SLC13A3: variants seen among roughly 807,000 people sequenced by gnomAD.
SLC13A3 encodes the protein Na(+)/dicarboxylate cotransporter 3.
In SLC13A3, 40 loss-of-function variants were observed where a neutral mutation model predicts 59.0. The ratio of observed to expected loss-of-function variants is 0.68; its 90% CI spans 0.53 to 0.88. SLC13A3 has a LOEUF of 0.88. Among genes scored for constraint, SLC13A3 ranks in the 40% least tolerant of loss-of-function variants. The pLI is 0.00. For missense variants in SLC13A3, 699 were observed against 783.2 expected (o/e 0.89, Z 1.28); for synonymous variants, 317 against 330.3 (o/e 0.96, Z 0.44).
intron 11 of SLC13A3, among the ~76,000 whole-genome samples, chr20:46,565,602 G>A (rs2061972953): frequency 6.6e-6 from 1 of 152,000 alleles, no homozygotes; most frequent in African/African-American, 2.4e-5. Flanking sequence ...GGGATTACAG[G>A]CATGAGTGGC....
At chr20:46,638,449 G>C (rs1423211929) in intron 1 of SLC13A3, among the ~76,000 whole-genome samples, 10 of 152,208 alleles carry the variant, frequency 6.6e-5, no homozygotes, top group African/African-American at 2.4e-4. Context: ...GGCGAACAAG[G>C]GCCTCTTTTG....
intron 1 of SLC13A3, among the ~76,000 whole-genome samples, chr20:46,657,845 A>G (rs536749973): frequency 6.0e-4 from 91 of 152,102 alleles, no homozygotes; most frequent in Non-Finnish European, 1.1e-3. Context: ...GGGAGGTGCC[A>G]CACACTTTTA....
chr20:46,644,019 C>G (rs2062870573), intron 1 of SLC13A3, among the ~76,000 whole-genome samples: 1 of 152,096 alleles, frequency 6.6e-6, no homozygotes, highest in South Asian at 2.1e-4. Context: ...GCCTGGGCAA[C>G]AGAGGAAGAC....
Position 46,559,998 on chromosome 20 carries a change from C to T in SLC13A3, c.*24G>A. The T allele has an allele frequency of 6.2e-7, 1 of 1,610,936 alleles. No homozygotes were observed. Among genetic ancestry groups the T allele is most frequent in the Non-Finnish European group, 8.5e-7 (1 of 1,177,998 alleles). ...TGACAGCCCTTTGAGAGGGTTCAGC[C>T]TCAAGGGAGTCCTCCAGGGGGACTC... On this transcript the variant is annotated 3_prime_UTR_variant, in exon 13 of 13. Transcript: ENST00000279027.
In SLC13A3 at chr20:46,583,599, AG is replaced by A; in HGVS notation, c.1191del (p.Ser398LeufsTer19). On this transcript the variant is annotated frameshift_variant, in exon 9 of 13. Coordinates refer to ENST00000279027, the MANE Select transcript of SLC13A3 (RefSeq NM_022829.6). LOFTEE classifies it high-confidence loss of function. ...TTGAAGTCAAACCACCACTTGAGAG[AG>A]GGCCTTTGGGACGGGAAGAAGAACA... The part of the protein sequence containing the change: ...TILFFFPSQR[P>X]SLKWWFDFKA... 1 of 1,613,620 alleles carries A rather than the reference AG, an allele frequency of 6.2e-7. No homozygotes were observed.
chr20:46,637,917 G>T (rs1397520951), intron 1 of SLC13A3, among the ~76,000 whole-genome samples: 1 of 152,162 alleles, frequency 6.6e-6, no homozygotes, highest in African/African-American at 2.4e-5. Flanking sequence ...AGGTGAGGCA[G>T]GCTCCTTCTC....
intron 1 of SLC13A3, among the ~76,000 whole-genome samples, chr20:46,657,319 G>C (rs888862707): frequency 2.0e-5 from 3 of 151,180 alleles, no homozygotes; most frequent in Non-Finnish European, 2.9e-5. Context: ...GTTACAGTGA[G>C]CCGAGATCGC....
chr20:46,576,693 A>G (rs1199293570), intron 9 of SLC13A3, among the ~76,000 whole-genome samples: 1 of 152,118 alleles, frequency 6.6e-6, no homozygotes, highest in African/African-American at 2.4e-5. Flanking sequence ...CTGAAATAGG[A>G]CTTTTCTTGG....
intron 1 of SLC13A3, among the ~76,000 whole-genome samples, chr20:46,628,846 A>C (rs986224910): frequency 6.6e-6 from 1 of 152,254 alleles, no homozygotes; most frequent in African/African-American, 2.4e-5. Context: ...CATCACAGAA[A>C]GTTTTATAGG....
chr20:46,663,687 A>G (rs1364106418), intron 1 of SLC13A3, among the ~76,000 whole-genome samples: 4 of 152,180 alleles, frequency 2.6e-5, no homozygotes, highest in African/African-American at 9.7e-5. Flanking sequence ...AATAGGTTCT[A>G]TTATATTCCC....
intron 1 of SLC13A3, among the ~76,000 whole-genome samples, chr20:46,626,097 T>TTCTCTCTCTCTC (rs74176872): frequency 6.8e-4 from 99 of 145,886 alleles, no homozygotes; most frequent in Admixed American, 3.1e-3. Flanking sequence ...CAAAGCTGTA[T>TTCTCTCTCTCTC]TCTCTCTCTC....
chr20:46,589,241 T>C lies in SLC13A3; in HGVS notation c.935A>G (p.Asn312Ser). 1 of 1,614,212 alleles carries C rather than the reference T, an allele frequency of 6.2e-7. No homozygotes were observed. Among genetic ancestry groups the C allele is most frequent in the Non-Finnish European group, 8.5e-7 (1 of 1,180,014 alleles). ...TGCATTGGTTCTTATCTCAGATTTA[T>C]TCTTCCTCCAGCCCCTGAAACAGAA... Reference protein sequence around the residue: ...GGLSFRGWRKNKSEIRTNAED... With the variant: ...GGLSFRGWRKSKSEIRTNAED... Residue 312 changes from asparagine (N) to serine (S), a missense_variant, in exon 7 of 13, where the codon AAT becomes AGT. Transcript: ENST00000279027.
At chr20:46,579,253 G>T (rs897792346) in intron 9 of SLC13A3, among the ~76,000 whole-genome samples, 2 of 151,778 alleles carry the variant, frequency 1.3e-5, no homozygotes. Flanking sequence ...TCAGCCTCCC[G>T]AGTAGCTGGA....
chr20:46,651,890 T>C (rs2062954808), upstream of SLC13A3, among the ~76,000 whole-genome samples: 1 of 152,202 alleles, frequency 6.6e-6, no homozygotes, highest in African/African-American at 2.4e-5. Context: ...GTCTACACCA[T>C]GGAATACTAT....
chr20:46,632,357 C>T lies in SLC13A3; in HGVS notation c.112-18632G>A, dbSNP rs189658440. ...TGGCTCAGGCACTCAGGACTGGTGT[C>T]GCTTCCTCACTCCGAGCGTCAGTTC... is the stretch of plus-strand genomic sequence containing the variant. On this transcript the variant is annotated intron_variant, in intron 1 of 12. Coordinates refer to ENST00000279027, the MANE Select transcript of SLC13A3 (RefSeq NM_022829.6). Among the ~76,000 whole-genome samples the T allele has an allele frequency of 8.1e-4, 124 of 152,228 alleles. 1 individual carries two copies. The highest frequency in any genetic ancestry group is 6.8e-3 in the Middle Eastern group (2 of 294).
Position 46,666,360 on chromosome 20 carries a change from C to T in SLC13A3, c.-31+3683G>A, listed in dbSNP as rs80315408. Among the ~76,000 whole-genome samples the T allele has an allele frequency of 1.1e-3, 166 of 152,270 alleles. 1 individual carries two copies. Among genetic ancestry groups the T allele is most frequent in the African/African-American group, 3.5e-3 (145 of 41,552 alleles). On this transcript the variant is annotated intron_variant, in intron 1 of 12. Coordinates refer to the SLC13A3 transcript ENST00000290317. ...ACAGAAAAGGGTTTGGAGTCAGAAA[C>T]ATTGGGCTCTTGCTGAGCCAGGCAA...
chr20:46,612,558 G>A (rs150351670), intron 2 of SLC13A3, among the ~76,000 whole-genome samples: 1 of 151,890 alleles, frequency 6.6e-6, no homozygotes, highest in African/African-American at 2.4e-5. Context: ...GCCGTTTGCG[G>A]TGTTAATAAA....
chr20:46,625,997 T>C (rs2062664986), intron 1 of SLC13A3, among the ~76,000 whole-genome samples: 1 of 152,188 alleles, frequency 6.6e-6, no homozygotes, highest in African/African-American at 2.4e-5. Context: ...GGAGGTGACA[T>C]CCTGTGAGTC....
upstream of SLC13A3, among the ~76,000 whole-genome samples, chr20:46,670,914 C>T (rs2063087666): frequency 6.6e-6 from 1 of 152,128 alleles, no homozygotes; most frequent in African/African-American, 2.4e-5. Flanking sequence ...CACCTCTGTA[C>T]TTTATTTACA....
Sources: gnomAD v4.1 joint callset for allele counts (sites outside exome capture counted in the v4.1 genomes callset) on GRCh38, gnomAD v4.1.1 for gene constraint, MANE v1.5 for transcripts, NCBI Gene and HGNC (gene_info 2026-07-23, HGNC 2026-07-21) for gene names.